NCOA7: variants seen among roughly 807,000 people sequenced by gnomAD.
The protein encoded by NCOA7 is 140 kDa estrogen receptor-associated protein.
NCOA7 carries 45 observed loss-of-function variants against 104.3 expected under a neutral mutation model. That is an observed-to-expected ratio of 0.43 (90% CI 0.34 to 0.55). The LOEUF (loss-of-function observed/expected upper bound fraction) is 0.55. NCOA7 is among the 20% of genes least tolerant of loss of function. NCOA7 has a pLI of 0.02. For synonymous variants in NCOA7, 398 were observed against 402.3 expected (o/e 0.99, Z 0.13); for missense variants, 1,041 against 1,119.7 (o/e 0.93, Z 1.00).
At chr6:125,872,147 T>A (rs1241726408) in intron 3 of NCOA7, among the ~76,000 whole-genome samples, 1 of 152,200 alleles carries the variant, frequency 6.6e-6, no homozygotes, top group Non-Finnish European at 1.5e-5. Context: ...TAATATTACA[T>A]GCTTGACATT....
intron 2 of NCOA7, among the ~76,000 whole-genome samples, chr6:125,831,379 A>C (rs946265866): frequency 1.8e-4 from 27 of 152,198 alleles, no homozygotes; most frequent in African/African-American, 6.0e-4. Flanking sequence ...TCAGGTAATC[A>C]CAAATGATTA....
intron 1 of NCOA7, among the ~76,000 whole-genome samples, chr6:125,792,799 G>T (rs1181970607): frequency 2.0e-5 from 3 of 151,148 alleles, no homozygotes. Context: ...AGAAAAACAA[G>T]GTTAACTGCA....
chr6:125,910,535 A>G (rs1786441549), intron 10 of NCOA7, among the ~76,000 whole-genome samples: 1 of 152,214 alleles, frequency 6.6e-6, no homozygotes, highest in Admixed American at 6.5e-5. Flanking sequence ...TTCTAAGTTA[A>G]CTTTTAATAG....
intron 2 of NCOA7, among the ~76,000 whole-genome samples, chr6:125,854,635 G>A (rs1377282513): frequency 6.6e-6 from 1 of 152,166 alleles, no homozygotes; most frequent in Admixed American, 6.5e-5. Flanking sequence ...AAGTACCACT[G>A]AAACCAGAAA....
intron 2 of NCOA7, among the ~76,000 whole-genome samples, chr6:125,824,591 A>G (rs1347268450): frequency 1.3e-5 from 2 of 152,200 alleles, no homozygotes; most frequent in East Asian, 1.9e-4. Context: ...ATACAAATAT[A>G]TAGATACAAC....
intron 3 of NCOA7, among the ~76,000 whole-genome samples, chr6:125,873,134 G>T (rs1783069878): frequency 6.6e-6 from 1 of 152,128 alleles, no homozygotes; most frequent in Non-Finnish European, 1.5e-5. Context: ...TAGATGAAAT[G>T]ATATCGTTGA....
intron 2 of NCOA7, among the ~76,000 whole-genome samples, chr6:125,827,940 G>T (rs947776747): frequency 2.6e-5 from 4 of 152,216 alleles, no homozygotes; most frequent in Admixed American, 1.3e-4. Flanking sequence ...GGGAAAACTA[G>T]AAAAACAACA....
At chr6:125,857,439 A>G (rs529828113) in intron 3 of NCOA7, among the ~76,000 whole-genome samples, 31 of 123,934 alleles carry the variant, frequency 2.5e-4, no homozygotes, top group African/African-American at 1.7e-3. Flanking sequence ...ATATATATAT[A>G]TATTTTTTTT....
At chr6:125,872,760 C>T (rs944599384) in intron 3 of NCOA7, among the ~76,000 whole-genome samples, 3 of 152,266 alleles carry the variant, frequency 2.0e-5, no homozygotes, top group Non-Finnish European at 2.9e-5. Flanking sequence ...TCATAAGATT[C>T]GTAAAATATG....
upstream of NCOA7, among the ~76,000 whole-genome samples, chr6:125,790,527 G>C (rs1280359630): frequency 6.6e-6 from 1 of 152,118 alleles, no homozygotes; most frequent in Non-Finnish European, 1.5e-5. Flanking sequence ...GGAGGCTGCA[G>C]CAGCCGCGGG....
intron 1 of NCOA7, among the ~76,000 whole-genome samples, chr6:125,801,781 G>A (rs1453603467): frequency 6.6e-6 from 1 of 152,126 alleles, no homozygotes; most frequent in African/African-American, 2.4e-5. Context: ...TTCTTATGGG[G>A]ATTCCAGTCA....
intron 2 of NCOA7, among the ~76,000 whole-genome samples, chr6:125,824,361 G>A (rs1410537796): frequency 2.0e-5 from 3 of 152,148 alleles, no homozygotes; most frequent in Non-Finnish European, 4.4e-5. Flanking sequence ...TGGACCTCCT[G>A]CAGGTTTCTT....
At position 125,885,299 on chromosome 6, in the gene NCOA7, C is replaced by G. The variant is rs1389234106; in HGVS notation, c.840C>G (p.Leu280=). The G allele has an allele frequency of 6.2e-7, 1 of 1,613,878 alleles. No individual in the cohort carries two copies. The highest frequency in any genetic ancestry group is 8.5e-7 in the Non-Finnish European group (1 of 1,179,880). The change falls in exon 8 of 16, where the codon CTC becomes CTG. Residue 280 remains leucine, a synonymous_variant. Coordinates refer to ENST00000392477, the MANE Select transcript of NCOA7 (RefSeq NM_181782.5). ...TGGAAGAGGTTGTTTCCATTGCGCT[C>G]TACAATGACATTTCTCACATGAAGA... ...CPMEEVVSIA[L]YNDISHMKIK...
chr6:125,890,284 A>G (rs1784535979), intron 9 of NCOA7, among the ~76,000 whole-genome samples: 1 of 152,164 alleles, frequency 6.6e-6, no homozygotes, highest in African/African-American at 2.4e-5. Flanking sequence ...ACTGTTTTTG[A>G]AGAAATCTCA....
At chr6:125,903,678 A>G (rs1487185316) in intron 10 of NCOA7, among the ~76,000 whole-genome samples, 1 of 151,670 alleles carries the variant, frequency 6.6e-6, no homozygotes, top group Non-Finnish European at 1.5e-5. Context: ...CAGAAAAATA[A>G]TATGCTAGTA....
intron 3 of NCOA7, among the ~76,000 whole-genome samples, chr6:125,869,096 G>C (rs114374692): frequency 5.9e-5 from 9 of 152,298 alleles, no homozygotes; most frequent in African/African-American, 1.9e-4. Flanking sequence ...TATCTAAGTA[G>C]AAATTATGGA....
chr6:125,859,620 G>A (rs538254860), intron 3 of NCOA7, among the ~76,000 whole-genome samples: 5 of 152,224 alleles, frequency 3.3e-5, no homozygotes, highest in Admixed American at 2.0e-4. Flanking sequence ...AGAAAATAGA[G>A]TTGAAAATAA....
intron 7 of NCOA7, 120 bp from the exon 8 acceptor site, chr6:125,885,039 C>A: frequency 1.1e-6 from 1 of 948,994 alleles, no homozygotes. Flanking sequence ...GTAATTGTCA[C>A]ATAGGATACT....
intron 2 of NCOA7, among the ~76,000 whole-genome samples, chr6:125,849,122 G>A (rs1780888206): frequency 6.6e-6 from 1 of 152,144 alleles, no homozygotes; most frequent in Admixed American, 6.6e-5. Flanking sequence ...TACTGCCAGT[G>A]CCCCAAACTC....
Sources: allele counts gnomAD v4.1 joint callset (sites outside exome capture counted in the v4.1 genomes callset), GRCh38; gene constraint gnomAD v4.1.1; transcripts MANE v1.5; gene names NCBI Gene and HGNC (gene_info 2026-07-23, HGNC 2026-07-21).